Variants in ARID1B observed in about 807,000 individuals in gnomAD.
ARID1B encodes the protein AT-rich interaction domain 1B.
In ARID1B, 30 loss-of-function variants were observed where a neutral mutation model predicts 212.3. That is an observed-to-expected ratio of 0.14 (90% CI 0.11 to 0.19). The LOEUF (loss-of-function observed/expected upper bound fraction) is 0.19, where lower values mean the gene tolerates loss of function less well. ARID1B is among the 10% of genes least tolerant of loss of function. The probability of loss-of-function intolerance (pLI) is 1.00; values close to 1 mark genes in which losing one functional copy is unlikely to be tolerated. For missense variants in ARID1B, 2,891 were observed against 3,204.0 expected, an observed-to-expected ratio of 0.90 and a Z score of 2.36; for synonymous variants, 1,402 against 1,301.7, an observed-to-expected ratio of 1.08 and a Z score of -1.66.
intron 11 of ARID1B, among the ~76,000 whole-genome samples, chr6:157,176,033 T>C (rs982789432): frequency 9.2e-5 from 14 of 152,244 alleles, no homozygotes; most frequent in African/African-American, 3.4e-4. Flanking sequence ...AGGAGGCTGC[T>C]ATTAATTATC....
chr6:156,964,572 G>A (rs543783974), intron 4 of ARID1B, among the ~76,000 whole-genome samples: 5 of 152,108 alleles, frequency 3.3e-5, no homozygotes, highest in Non-Finnish European at 5.9e-5. Flanking sequence ...AATTTTATGC[G>A]TATACTCAAG....
chr6:157,182,731 G>A (rs141808783), intron 12 of ARID1B, among the ~76,000 whole-genome samples: 7 of 152,300 alleles, frequency 4.6e-5, no homozygotes, highest in African/African-American at 1.7e-4. Flanking sequence ...TGCATAACCA[G>A]CTGCTAAGTC....
chr6:156,991,494 A>C (rs1778273996), intron 4 of ARID1B, among the ~76,000 whole-genome samples: 1 of 152,108 alleles, frequency 6.6e-6, no homozygotes, highest in African/African-American at 2.4e-5. Context: ...AGCCTCCCAA[A>C]GTGCTGGGAT....
intron 4 of ARID1B, among the ~76,000 whole-genome samples, chr6:157,069,798 C>T (rs892347368): frequency 1.3e-5 from 2 of 152,172 alleles, no homozygotes; most frequent in Non-Finnish European, 2.9e-5. Flanking sequence ...AAAGGAATCC[C>T]GCAAACATAC....
intron 4 of ARID1B, among the ~76,000 whole-genome samples, chr6:156,965,304 T>A (rs374414848): frequency 2.9e-4 from 44 of 152,246 alleles, no homozygotes; most frequent in African/African-American, 1.0e-3. Flanking sequence ...TTCTAAATTT[T>A]CTAGGCTTGC....
At chr6:156,906,542 T>C (rs1789394112) in intron 3 of ARID1B, among the ~76,000 whole-genome samples, 1 of 68,710 alleles carries the variant, frequency 1.5e-5, no homozygotes, top group Admixed American at 2.6e-4. Context: ...CGAAACTCCA[T>C]CTCCAAAAAA....
chr6:157,110,870 C>T (rs988405211), intron 6 of ARID1B: 4 of 395,860 alleles, frequency 1.0e-5, no homozygotes, highest in Non-Finnish European at 1.4e-5. Context: ...GTAAAAATAA[C>T]TGTGAATGAC....
At chr6:156,976,234 A>G (rs1371111737) in intron 4 of ARID1B, 2 of 154,796 alleles carry the variant, frequency 1.3e-5, no homozygotes, top group African/African-American at 4.8e-5. Flanking sequence ...TGTGCAGGTC[A>G]CAGGGGATAT....
At chr6:156,964,332 G>A (rs1794597825) in intron 4 of ARID1B, among the ~76,000 whole-genome samples, 1 of 152,194 alleles carries the variant, frequency 6.6e-6, no homozygotes. Flanking sequence ...GGTATCTGTT[G>A]CAGACACTTT....
intron 4 of ARID1B, among the ~76,000 whole-genome samples, chr6:156,953,262 CAG>C (rs1261212720): frequency 1.3e-5 from 2 of 152,220 alleles, no homozygotes; most frequent in Admixed American, 1.3e-4. Flanking sequence ...AGCTTCAACA[CAG>C]GGATCCACTC....
intron 1 of ARID1B, among the ~76,000 whole-genome samples, chr6:156,789,345 T>A (rs544860936): frequency 6.6e-6 from 1 of 152,344 alleles, no homozygotes; most frequent in South Asian, 2.1e-4. Context: ...TGTATTGAAC[T>A]GTGTGCGTCA....
intron 2 of ARID1B, among the ~76,000 whole-genome samples, chr6:156,866,659 AAAACAGTTTGG>A (rs1392413030): frequency 6.6e-6 from 1 of 152,210 alleles, no homozygotes; most frequent in Non-Finnish European, 1.5e-5. Flanking sequence ...TCATAAAATG[AAAACAGTTTGG>A]TTTCGTTTAC....
chr6:156,964,021 T>C (rs9372031), intron 4 of ARID1B, among the ~76,000 whole-genome samples: 16,131 of 152,328 alleles, frequency 0.11, 1,182 homozygotes, highest in South Asian at 0.26. Context: ...TGCTCGTTTG[T>C]TTCAGTTTCA....
chr6:157,196,637 A>G (rs1419657026), intron 16 of ARID1B, among the ~76,000 whole-genome samples: 1 of 151,946 alleles, frequency 6.6e-6, no homozygotes, highest in South Asian at 2.1e-4. Flanking sequence ...CCAGCTGCAC[A>G]CTCCAGACAT....
chr6:156,899,124 G>A (rs1788719183), intron 2 of ARID1B, among the ~76,000 whole-genome samples: 1 of 152,336 alleles, frequency 6.6e-6, no homozygotes, highest in East Asian at 1.9e-4. Flanking sequence ...CACCTGTATA[G>A]ACTTGCAGGT....
intron 1 of ARID1B, among the ~76,000 whole-genome samples, chr6:156,790,623 A>G (rs992157975): frequency 6.6e-6 from 1 of 152,226 alleles, no homozygotes; most frequent in Non-Finnish European, 1.5e-5. Context: ...AATTACAGTC[A>G]TACTTTTTAT....
chr6:157,161,056 C>T (rs1321921437), intron 8 of ARID1B, among the ~76,000 whole-genome samples: 1 of 152,202 alleles, frequency 6.6e-6, no homozygotes, highest in African/African-American at 2.4e-5. Flanking sequence ...TCTTAAAATA[C>T]TCATCTTGGA....
chr6:156,998,242 C>T (rs1482357345), intron 4 of ARID1B, among the ~76,000 whole-genome samples: 1 of 145,922 alleles, frequency 6.9e-6, no homozygotes, highest in Non-Finnish European at 1.5e-5. Context: ...GGGCGGGGGT[C>T]AGAGTTTCCA....
At chr6:157,038,116 T>C (rs1228527857) in intron 4 of ARID1B, among the ~76,000 whole-genome samples, 1 of 152,240 alleles carries the variant, frequency 6.6e-6, no homozygotes, top group Non-Finnish European at 1.5e-5. Flanking sequence ...ATTTTTAAAT[T>C]TGTTAAATTT....
Sources: allele counts gnomAD v4.1 joint callset (sites outside exome capture counted in the v4.1 genomes callset), GRCh38; gene constraint gnomAD v4.1.1; transcripts MANE v1.5; gene names NCBI Gene and HGNC (gene_info 2026-07-23, HGNC 2026-07-21).